The following CPSF7 variants were observed in gnomAD, a reference collection of about 807,000 sequenced individuals.
The protein encoded by CPSF7 is cleavage and polyadenylation specific factor 7.
In CPSF7, 1 loss-of-function variant was observed where a neutral mutation model predicts 44.3. The ratio of observed to expected loss-of-function variants is 0.02; its 90% CI spans 0.01 to 0.11. The LOEUF (loss-of-function observed/expected upper bound fraction) is 0.11. CPSF7 is among the 10% of genes least tolerant of loss of function. The probability of loss-of-function intolerance (pLI) is 1.00; values close to 1 mark genes in which losing one functional copy is unlikely to be tolerated. For synonymous variants in CPSF7, 202 were observed against 222.0 expected, an observed-to-expected ratio of 0.91 and a Z score of 0.80; for missense variants, 443 against 607.2, an observed-to-expected ratio of 0.73 and a Z score of 2.84.
intron 2 of CPSF7, among the ~76,000 whole-genome samples, chr11:61,428,699 G>C (rs888233318): frequency 2.0e-5 from 3 of 152,188 alleles, no homozygotes; most frequent in East Asian, 3.8e-4. Flanking sequence ...ATAAAAGGAA[G>C]TAAAACTTAA....
At chr11:61,412,004 GA>G in intron 7 of CPSF7, 67 bp from the exon 8 acceptor site, 1 of 1,431,012 alleles carries the variant, frequency 7.0e-7, no homozygotes, top group Non-Finnish European at 9.8e-7. Flanking sequence ...ACCAAAAGGA[GA>G]ACTCAGGCAG....
chr11:61,417,388 T>C (rs1009722137), intron 5 of CPSF7, among the ~76,000 whole-genome samples: 2 of 152,240 alleles, frequency 1.3e-5, no homozygotes, highest in Non-Finnish European at 2.9e-5. Context: ...ATTCTGACAT[T>C]GTCAAGTCAC....
chr11:61,426,317 AGTTTTTTT>A (rs566960596), intron 2 of CPSF7: 50 of 152,236 alleles, frequency 3.3e-4, no homozygotes, highest in East Asian at 5.8e-4. Context: ...TTCTAGCCAA[AGTTTTTTT>A]GTTTTTTTGT....
intron 9 of CPSF7, among the ~76,000 whole-genome samples, chr11:61,406,752 AT>A (rs1232294625): frequency 6.6e-6 from 1 of 151,820 alleles, no homozygotes; most frequent in African/African-American, 2.4e-5. Flanking sequence ...TTTTATTACT[AT>A]TTTTTTTGAG....
chr11:61,411,484 G>C (rs1859842062), intron 8 of CPSF7, among the ~76,000 whole-genome samples: 1 of 152,080 alleles, frequency 6.6e-6, no homozygotes, highest in Non-Finnish European at 1.5e-5. Context: ...AGCAGAACTG[G>C]GATTCCAATC....
intron 2 of CPSF7, among the ~76,000 whole-genome samples, chr11:61,424,009 C>G (rs958976519): frequency 6.6e-6 from 1 of 152,172 alleles, no homozygotes; most frequent in African/African-American, 2.4e-5. Context: ...GAGGGCTTAA[C>G]CCTTGTAAAA....
chr11:61,423,914 G>C (rs1861124229), intron 2 of CPSF7, among the ~76,000 whole-genome samples: 1 of 152,212 alleles, frequency 6.6e-6, no homozygotes, highest in Admixed American at 6.5e-5. Flanking sequence ...ATCTTGGGTT[G>C]TTCTGATAGA....
chr11:61,422,597 G>T (rs1475156469), intron 2 of CPSF7, among the ~76,000 whole-genome samples: 1 of 152,086 alleles, frequency 6.6e-6, no homozygotes. Context: ...GATTACAGGG[G>T]TGACTACCAT....
chr11:61,413,718 G>A (rs1462269375), intron 7 of CPSF7, among the ~76,000 whole-genome samples: 2 of 152,060 alleles, frequency 1.3e-5, no homozygotes, highest in Admixed American at 6.6e-5. Flanking sequence ...CTCAGGGATA[G>A]TGGTCATGGG....
At chr11:61,429,480 C>T (rs1322982669) in intron 1 of CPSF7, 190 bp from the exon 2 acceptor site, 5 of 527,686 alleles carry the variant, frequency 9.5e-6, no homozygotes, top group Non-Finnish European at 1.6e-5. Context: ...GGTCGCTGCC[C>T]ATCACCCTCG....
intron 5 of CPSF7, among the ~76,000 whole-genome samples, chr11:61,419,049 G>A (rs1055195023): frequency 3.3e-5 from 5 of 151,942 alleles, no homozygotes; most frequent in African/African-American, 1.2e-4. Context: ...CCAAGATGGA[G>A]TCTTGCTCTG....
At chr11:61,422,489 ATT>A (rs1565115690) in intron 2 of CPSF7, among the ~76,000 whole-genome samples, 1 of 151,638 alleles carries the variant, frequency 6.6e-6, no homozygotes, top group African/African-American at 2.4e-5. Context: ...TAATTTTCAA[ATT>A]TTTTTTGTAG....
chr11:61,408,581 T>C (rs1011556306), intron 9 of CPSF7, among the ~76,000 whole-genome samples: 10 of 152,172 alleles, frequency 6.6e-5, no homozygotes, highest in Admixed American at 1.3e-4. Context: ...AAGATTTCCA[T>C]AGAAGCAGAG....
At chr11:61,420,645 G>GTTGT in intron 3 of CPSF7, 72 bp from the exon 4 acceptor site, 2 of 1,196,938 alleles carry the variant, frequency 1.7e-6, no homozygotes, top group South Asian at 2.5e-5. Context: ...CCCAAACCCA[G>GTTGT]GATTCTAGTC....
intron 6 of CPSF7, 100 bp downstream of exon 6, chr11:61,416,005 G>A (rs889933026): frequency 1.6e-5 from 18 of 1,145,084 alleles, no homozygotes; most frequent in Non-Finnish European, 2.2e-5. Flanking sequence ...TGTCTATAAG[G>A]GAAAGAACAA....
intron 9 of CPSF7, chr11:61,410,440 A>G (rs1252530165): frequency 6.6e-6 from 1 of 152,338 alleles, no homozygotes; most frequent in African/African-American, 2.4e-5. Flanking sequence ...TGGCTTTACT[A>G]TTCTTAGTCA....
At chr11:61,415,455 T>C (rs1860234758) in intron 7 of CPSF7, among the ~76,000 whole-genome samples, 1 of 152,192 alleles carries the variant, frequency 6.6e-6, no homozygotes, top group African/African-American at 2.4e-5. Context: ...TTGGTTTTCA[T>C]GAGGGCAGGC....
chr11:61,411,886 T>C lies in CPSF7; in HGVS notation c.1109A>G (p.Lys370Arg), dbSNP rs1859882645. 1.9e-6 allele frequency: 3 copies of C among 1,614,200 alleles called. No homozygotes were observed. Among genetic ancestry groups the C allele is most frequent in the Non-Finnish European group, 2.5e-6 (3 of 1,180,020 alleles). Residue 370 changes from lysine to arginine, a missense_variant, in exon 8 of 10, where the codon AAA (lysine) becomes AGA (arginine). Coordinates refer to ENST00000439958, the MANE Select transcript of CPSF7 (RefSeq NM_001142565.3). The stretch of plus-strand genomic sequence containing the variant: ...CTCATCATTGGCAACCCGGGACTGT[T>C]TGATAACCGCAATGGCTGTGAGCAG... ...ETLLTAIAVI[K>R]QSRVANDERC...
intron 9 of CPSF7, among the ~76,000 whole-genome samples, chr11:61,408,906 T>C (rs1859584756): frequency 6.6e-6 from 1 of 152,216 alleles, no homozygotes; most frequent in African/African-American, 2.4e-5. Flanking sequence ...CCAGTCGCAG[T>C]GGCTTCATGC....
Sources: gnomAD v4.1 joint callset for allele counts (sites outside exome capture counted in the v4.1 genomes callset) on GRCh38, gnomAD v4.1.1 for gene constraint, MANE v1.5 for transcripts, NCBI Gene and HGNC (gene_info 2026-07-23, HGNC 2026-07-21) for gene names.